Variants in NOS1AP observed in about 807,000 individuals in gnomAD.
The protein encoded by NOS1AP is carboxyl-terminal PDZ ligand of neuronal nitric oxide synthase protein.
NOS1AP carries 21 observed loss-of-function variants against 56.2 expected under a neutral mutation model. The ratio of observed to expected loss-of-function variants is 0.37; its 90% confidence interval spans 0.26 to 0.54. NOS1AP has a LOEUF of 0.54. Among genes scored for constraint, NOS1AP ranks in the 20% least tolerant of loss-of-function variants. The pLI is 0.84. For synonymous variants in NOS1AP, 270 were observed against 274.6 expected (o/e 0.98, Z 0.17); for missense variants, 522 against 657.8 (o/e 0.79, Z 2.26).
At chr1:162,162,027 A>G (rs1435658071) in intron 2 of NOS1AP, among the ~76,000 whole-genome samples, 7 of 152,224 alleles carry the variant, frequency 4.6e-5, no homozygotes, top group Admixed American at 4.6e-4. Flanking sequence ...CAAGTGTCTG[A>G]GAGTTCTCCA....
At chr1:162,187,118 A>C (rs1233933478) in intron 2 of NOS1AP, among the ~76,000 whole-genome samples, 1 of 151,960 alleles carries the variant, frequency 6.6e-6, no homozygotes, top group African/African-American at 2.4e-5. Context: ...AGGCCGCACC[A>C]TCACACCTGG....
chr1:162,261,713 A>G (rs1654248032), intron 2 of NOS1AP, among the ~76,000 whole-genome samples: 1 of 152,134 alleles, frequency 6.6e-6, no homozygotes, highest in African/African-American at 2.4e-5. Context: ...TCCCTGCAGA[A>G]TCATTTTAGA....
intron 2 of NOS1AP, among the ~76,000 whole-genome samples, chr1:162,170,242 T>C (rs1228631442): frequency 6.6e-6 from 1 of 152,230 alleles, no homozygotes; most frequent in Non-Finnish European, 1.5e-5. Context: ...TCTTGAGTGC[T>C]CACTACATGC....
intron 2 of NOS1AP, among the ~76,000 whole-genome samples, chr1:162,173,831 G>A (rs1256025817): frequency 6.6e-6 from 1 of 152,206 alleles, no homozygotes; most frequent in Non-Finnish European, 1.5e-5. Context: ...CTGGCCATCA[G>A]AGAAATGCAA....
intron 2 of NOS1AP, among the ~76,000 whole-genome samples, chr1:162,195,059 G>A (rs1233144687): frequency 2.0e-5 from 3 of 152,144 alleles, no homozygotes; most frequent in African/African-American, 7.2e-5. Context: ...ACTCACGGAA[G>A]CCGCTTAGCA....
chr1:162,257,240 G>C (rs1471887055), intron 2 of NOS1AP, among the ~76,000 whole-genome samples: 8 of 152,166 alleles, frequency 5.3e-5, no homozygotes, highest in Non-Finnish European at 1.2e-4. Flanking sequence ...CAAATGCTGG[G>C]GAGTTGGTAC....
intron 3 of NOS1AP, among the ~76,000 whole-genome samples, chr1:162,292,075 T>G (rs1286966972): frequency 6.6e-6 from 1 of 152,184 alleles, no homozygotes; most frequent in Non-Finnish European, 1.5e-5. Context: ...CTAAAAAGGC[T>G]CCATCATTTT....
At chr1:162,095,324 C>T (rs2102026291) in intron 1 of NOS1AP, among the ~76,000 whole-genome samples, 1 of 152,266 alleles carries the variant, frequency 6.6e-6, no homozygotes, top group East Asian at 1.9e-4. Context: ...ATCTCTCTTG[C>T]TGCCCTGTGA....
rs547477434 is a variant in NOS1AP at position 162,075,250 on chromosome 1, C to T, written c.105+4968C>T. On this transcript the variant is annotated intron_variant, in intron 1 of 9. Transcript: ENST00000361897. ...AAACATAGTCACAATGAAAAATTGT[C>T]AAGTGGAAGAAATGACCAATTGTGG... Among the ~76,000 whole-genome samples, 3 of 152,240 alleles carry T rather than the reference C, an allele frequency of 2.0e-5. No homozygotes were observed. In the East Asian group the frequency reaches 5.8e-4, roughly 29 times the overall value.
At chr1:162,232,338 G>C (rs1653147841) in intron 2 of NOS1AP, among the ~76,000 whole-genome samples, 1 of 152,210 alleles carries the variant, frequency 6.6e-6, no homozygotes, top group African/African-American at 2.4e-5. Context: ...TAATGGCTGT[G>C]ATTGGAATAC....
chr1:162,322,694 C>T (rs533826384), intron 4 of NOS1AP, among the ~76,000 whole-genome samples: 1 of 152,286 alleles, frequency 6.6e-6, no homozygotes, highest in African/African-American at 2.4e-5. Flanking sequence ...CACGTGTCCC[C>T]TGAAAATCTT....
At chr1:162,308,047 A>C (rs1383725045) in intron 4 of NOS1AP, among the ~76,000 whole-genome samples, 1 of 152,242 alleles carries the variant, frequency 6.6e-6, no homozygotes. Context: ...TGATTTAAAC[A>C]GAAGAAATTT....
intron 1 of NOS1AP, among the ~76,000 whole-genome samples, chr1:162,136,330 T>C (rs1422314524): frequency 1.3e-5 from 2 of 152,218 alleles, no homozygotes; most frequent in Non-Finnish European, 2.9e-5. Flanking sequence ...TTTTATGATA[T>C]AGATCTAGGC....
Position 162,133,579 on chromosome 1 carries a change from C to T in NOS1AP, c.106-20826C>T, listed in dbSNP as rs564322038. Among the ~76,000 whole-genome samples the T allele has an allele frequency of 2.6e-5, 4 of 152,228 alleles. No individual in the cohort carries two copies. The South Asian group carries it at 8.3e-4, about 32-fold the overall frequency. ...AATTGTTGATGTTTATTCTTCTATC[C>T]CTTTTACATGATAGATGAATCTGTT... On this transcript the variant is annotated intron_variant, in intron 1 of 9. Coordinates refer to ENST00000361897, the MANE Select transcript of NOS1AP (RefSeq NM_014697.3).
intron 2 of NOS1AP, among the ~76,000 whole-genome samples, chr1:162,167,917 A>G (rs1229216601): frequency 6.6e-6 from 1 of 152,056 alleles, no homozygotes; most frequent in African/African-American, 2.4e-5. Context: ...TCATGGAAAA[A>G]AGCAACAAGG....
rs899080469 is a variant in NOS1AP at position 162,172,344 on chromosome 1, T to A, written c.177+17868T>A. Among the ~76,000 whole-genome samples, 21 of 152,252 alleles carry A rather than the reference T, an allele frequency of 1.4e-4. 1 individual carries two copies. The highest frequency in any genetic ancestry group is 1.3e-3 in the Admixed American group (20 of 15,292). ...ACATTATGAGCATCTTGGCTTTGTCTGAATTTTGAGAAATGGCAGTCACAG... is the reference window on the plus strand; with the variant it reads ...ACATTATGAGCATCTTGGCTTTGTCAGAATTTTGAGAAATGGCAGTCACAG... On this transcript the variant is annotated intron_variant, in intron 2 of 9. Coordinates refer to ENST00000361897, the MANE Select transcript of NOS1AP (RefSeq NM_014697.3).
chr1:162,072,479 C>T (rs2102007476), intron 1 of NOS1AP, among the ~76,000 whole-genome samples: 1 of 152,232 alleles, frequency 6.6e-6, no homozygotes. Context: ...CAGTGGTGGT[C>T]AGTGAAAGGA....
intron 4 of NOS1AP, among the ~76,000 whole-genome samples, chr1:162,319,424 G>C (rs1456531751): frequency 6.6e-6 from 1 of 151,960 alleles, no homozygotes; most frequent in Non-Finnish European, 1.5e-5. Flanking sequence ...TCCTTGCCCT[G>C]AGCCCACAAG....
At chr1:162,220,199 G>T (rs1557837425) in intron 2 of NOS1AP, among the ~76,000 whole-genome samples, 1 of 152,212 alleles carries the variant, frequency 6.6e-6, no homozygotes, top group Non-Finnish European at 1.5e-5. Context: ...GCTTATAGGT[G>T]TGAGCCCCCG....
Sources: gnomAD v4.1 joint callset for allele counts (sites outside exome capture counted in the v4.1 genomes callset) on GRCh38, gnomAD v4.1.1 for gene constraint, MANE v1.5 for transcripts, NCBI Gene and HGNC (gene_info 2026-07-23, HGNC 2026-07-21) for gene names.